SULF1: variants seen among roughly 807,000 people sequenced by gnomAD.
SULF1 encodes the protein extracellular sulfatase Sulf-1.
SULF1 carries 46 observed loss-of-function variants against 110.5 expected under a neutral mutation model. That is an observed-to-expected ratio of 0.42 (90% confidence interval 0.33 to 0.53). The LOEUF (loss-of-function observed/expected upper bound fraction) is 0.53. Among genes scored for constraint, SULF1 ranks in the 20% least tolerant of loss-of-function variants. The probability of loss-of-function intolerance (pLI) is 0.12; values close to 1 mark genes in which losing one functional copy is unlikely to be tolerated. For missense variants in SULF1, 941 were observed against 1,094.2 expected (o/e 0.86, Z 1.98); for synonymous variants, 371 against 387.1 (o/e 0.96, Z 0.49).
intron 8 of SULF1, among the ~76,000 whole-genome samples, chr8:69,590,086 C>T (rs1361603205): frequency 6.6e-6 from 1 of 152,180 alleles, no homozygotes; most frequent in Non-Finnish European, 1.5e-5. Context: ...GCAGAAAGAA[C>T]CTTACGAAAA....
At chr8:69,521,841 T>TAAAAAA (rs75983618) in intron 3 of SULF1, among the ~76,000 whole-genome samples, 3 of 110,218 alleles carry the variant, frequency 2.7e-5, no homozygotes. Context: ...TGGGCCAAGG[T>TAAAAAA]AAAAAAAAAA....
intron 3 of SULF1, among the ~76,000 whole-genome samples, chr8:69,511,622 C>A (rs1215402625): frequency 6.6e-6 from 1 of 152,148 alleles, no homozygotes; most frequent in Non-Finnish European, 1.5e-5. Flanking sequence ...TCCCATATAC[C>A]CCTGTCCTCA....
chr8:69,581,523 G>T (rs766026675), intron 6 of SULF1, among the ~76,000 whole-genome samples: 14 of 152,178 alleles, frequency 9.2e-5, no homozygotes, highest in Non-Finnish European at 5.9e-5. Flanking sequence ...GAAGGGAAGT[G>T]CTTAATGGTA....
At chr8:69,552,228 G>A (rs570405411) in intron 3 of SULF1, among the ~76,000 whole-genome samples, 1 of 152,316 alleles carries the variant, frequency 6.6e-6, no homozygotes, top group Admixed American at 6.5e-5. Context: ...CTTTATTTAA[G>A]GGTTGTCCTT....
In SULF1 at chr8:69,600,723, T is replaced by G; in HGVS notation, c.855T>G (p.Thr285=). The change falls in exon 9 of 23, where the codon ACT becomes ACG. Residue 285 remains threonine (T), a synonymous_variant. Coordinates refer to ENST00000402687, the MANE Select transcript of SULF1 (RefSeq NM_001128205.2). ...TNILQRKRLQ[T]LMSVDDSVER... ...TTCTACAGCGCAAAAGGCTCCAGAC[T>G]TTGATGTCAGTGGATGATTCTGTGG... The G allele has an allele frequency of 1.2e-6, 2 of 1,613,968 alleles. No homozygotes were observed. The highest frequency in any genetic ancestry group is 1.7e-6 in the Non-Finnish European group (2 of 1,179,892).
At chr8:69,602,580 G>A (rs1395199468) in intron 10 of SULF1, among the ~76,000 whole-genome samples, 2 of 152,222 alleles carry the variant, frequency 1.3e-5, no homozygotes, top group Non-Finnish European at 2.9e-5. Flanking sequence ...CCTGATTCTG[G>A]AAGTGGTGGC....
intron 3 of SULF1, among the ~76,000 whole-genome samples, chr8:69,530,869 C>G (rs1813032816): frequency 6.6e-6 from 1 of 152,166 alleles, no homozygotes; most frequent in Non-Finnish European, 1.5e-5. Context: ...CTGTTGGTGT[C>G]CTGCACAAGT....
intron 13 of SULF1, among the ~76,000 whole-genome samples, chr8:69,609,290 G>C (rs763450354): frequency 6.6e-6 from 1 of 152,202 alleles, no homozygotes; most frequent in Admixed American, 6.5e-5. Context: ...AGGCTGCAGT[G>C]AGCCGTGATC....
chr8:69,522,176 G>T (rs1812354305), intron 3 of SULF1, among the ~76,000 whole-genome samples: 1 of 151,882 alleles, frequency 6.6e-6, no homozygotes, highest in African/African-American at 2.4e-5. Flanking sequence ...TCAGCCTCCT[G>T]AGTAGCTGGG....
At chr8:69,472,703 A>G (rs754808417) in intron 1 of SULF1, among the ~76,000 whole-genome samples, 3 of 152,136 alleles carry the variant, frequency 2.0e-5, no homozygotes, top group Non-Finnish European at 4.4e-5. Flanking sequence ...ATATCTATCA[A>G]ATTTTCAAAG....
chr8:69,647,848 C>T (rs1003970164), intron 22 of SULF1, among the ~76,000 whole-genome samples: 3 of 151,712 alleles, frequency 2.0e-5, no homozygotes, highest in African/African-American at 4.8e-5. Context: ...GCCAAGATCG[C>T]GCCATTGCAC....
At chr8:69,643,192 G>A (rs898396694) in intron 22 of SULF1, among the ~76,000 whole-genome samples, 4 of 152,196 alleles carry the variant, frequency 2.6e-5, no homozygotes, top group African/African-American at 9.7e-5. Context: ...AGTCACACCT[G>A]GGAATTCACT....
At chr8:69,650,013 TGAGACACG>T in intron 22 of SULF1, among the ~76,000 whole-genome samples, 1 of 113,528 alleles carries the variant, frequency 8.8e-6, no homozygotes, top group Non-Finnish European at 1.7e-5. Flanking sequence ...TTTTTTTGTC[TGAGACACG>T]GTCTTGCTCT....
At chr8:69,601,198 A>G (rs556595026) in intron 9 of SULF1, among the ~76,000 whole-genome samples, 17 of 152,326 alleles carry the variant, frequency 1.1e-4, no homozygotes, top group Admixed American at 4.6e-4. Flanking sequence ...AAAAAATTTT[A>G]TTTGAAATTT....
intron 5 of SULF1, among the ~76,000 whole-genome samples, chr8:69,572,487 T>C (rs1227240334): frequency 6.6e-6 from 1 of 152,216 alleles, no homozygotes; most frequent in African/African-American, 2.4e-5. Flanking sequence ...ATGTTTCTTT[T>C]TCCTGTCTAC....
chr8:69,614,015 C>G (rs1403009415), intron 13 of SULF1, among the ~76,000 whole-genome samples: 1 of 152,036 alleles, frequency 6.6e-6, no homozygotes, highest in Non-Finnish European at 1.5e-5. Context: ...ATACTCATCT[C>G]CATTAAAAAT....
chr8:69,470,835 T>C (rs887407115), intron 1 of SULF1, among the ~76,000 whole-genome samples: 2 of 152,110 alleles, frequency 1.3e-5, no homozygotes, highest in African/African-American at 4.8e-5. Context: ...CCCCACAACC[T>C]CAGAAGTCTA....
chr8:69,542,350 CA>C (rs1813911959), intron 3 of SULF1, among the ~76,000 whole-genome samples: 1 of 152,102 alleles, frequency 6.6e-6, no homozygotes, highest in South Asian at 2.1e-4. Context: ...GAACTGGCTT[CA>C]GTGAAAATAT....
intron 1 of SULF1, among the ~76,000 whole-genome samples, chr8:69,467,968 G>A (rs1808925596): frequency 6.8e-6 from 1 of 148,138 alleles, no homozygotes; most frequent in Admixed American, 6.7e-5. Flanking sequence ...GGGTTTATAT[G>A]CTATGTTTAA....
Sources: gnomAD v4.1 joint callset for allele counts (sites outside exome capture counted in the v4.1 genomes callset) on GRCh38, gnomAD v4.1.1 for gene constraint, MANE v1.5 for transcripts, NCBI Gene and HGNC (gene_info 2026-07-23, HGNC 2026-07-21) for gene names.